The following ATP2A1 variants were observed in gnomAD, a reference collection of about 807,000 sequenced individuals.
ATP2A1 encodes the protein sarcoplasmic/endoplasmic reticulum calcium ATPase 1.
ATP2A1 carries 83 observed loss-of-function variants against 109.5 expected under a neutral mutation model. That is an observed-to-expected ratio of 0.76 (90% CI 0.63 to 0.91). The LOEUF (loss-of-function observed/expected upper bound fraction) is 0.91. ATP2A1 is among the 40% of genes least tolerant of loss of function. The probability of loss-of-function intolerance (pLI) is 0.00; values close to 1 mark genes in which losing one functional copy is unlikely to be tolerated. For synonymous variants in ATP2A1, 505 were observed against 537.6 expected, an observed-to-expected ratio of 0.94 and a Z score of 0.84; for missense variants, 1,101 against 1,341.0, an observed-to-expected ratio of 0.82 and a Z score of 2.80.
At chr16:28,879,057 A>T (rs773792059) in intron 1 of ATP2A1, 42 bp from the exon 2 acceptor site, 1 of 1,613,934 alleles carries the variant, frequency 6.2e-7, no homozygotes, top group South Asian at 1.1e-5. Flanking sequence ...CATGAGGCTG[A>T]ACCCCAAATG....
chr16:28,878,745 C>A lies in ATP2A1; in HGVS notation c.74C>A (p.Thr25Asn). The change falls in exon 1 of 23, where the codon ACC becomes AAC. Residue 25 changes from threonine to asparagine, a missense_variant. Physicochemically the swap from Thr to Asn is moderately conservative, Grantham distance 65. Transcript: ENST00000395503. ...YFGVSETTGL[T>N]PDQVKRNLEK... Reference sequence around the variant, plus strand: ...GGGGTGAGTGAGACCACGGGCCTCACCCCGGACCAAGTTAAGCGGAATCTG... The same window carrying A: ...GGGGTGAGTGAGACCACGGGCCTCAACCCGGACCAAGTTAAGCGGAATCTG... The A allele has an allele frequency of 6.2e-7, 1 of 1,613,616 alleles. No homozygotes were observed. Among genetic ancestry groups the A allele is most frequent in the East Asian group, 2.2e-5 (1 of 44,892 alleles).
intron 9 of ATP2A1, chr16:28,892,275 GT>G (rs1963792358): frequency 8.3e-6 from 2 of 242,108 alleles, no homozygotes; most frequent in African/African-American, 2.3e-5. Context: ...AAAAGCTGTC[GT>G]TTTTTTCTTG....
At chr16:28,888,003 G>C (rs149712636) in intron 8 of ATP2A1, among the ~76,000 whole-genome samples, 3 of 151,816 alleles carry the variant, frequency 2.0e-5, no homozygotes, top group Admixed American at 6.6e-5. Context: ...GGGTTTCACC[G>C]TGTTAGCCAG....
chr16:28,897,997 C>T lies in ATP2A1; in HGVS notation c.1420-3C>T. 6.2e-7 allele frequency: 1 copy of T among 1,614,176 alleles called. No homozygotes were observed. The highest frequency in any genetic ancestry group is 2.2e-5 in the East Asian group (1 of 44,884). On this transcript the variant is annotated splice_region_variant and splice_polypyrimidine_tract_variant and intron_variant, in intron 12 of 22. Transcript: ENST00000395503. Reference sequence around the variant, plus strand: ...TGGTCTCCCCTCCCTGTCTCCTCTCCAGGTGATCCGCCAGCTAATGAAGAA... The same window carrying T: ...TGGTCTCCCCTCCCTGTCTCCTCTCTAGGTGATCCGCCAGCTAATGAAGAA...
chr16:28,888,543 G>T (rs1963682750), intron 8 of ATP2A1, among the ~76,000 whole-genome samples: 1 of 151,932 alleles, frequency 6.6e-6, no homozygotes, highest in African/African-American at 2.4e-5. Context: ...TGGGTAACTG[G>T]TACCACAGGC....
intron 14 of ATP2A1, among the ~76,000 whole-genome samples, chr16:28,900,317 A>C (rs1964036329): frequency 6.6e-6 from 1 of 151,964 alleles, no homozygotes. Flanking sequence ...TCAAAAAAAA[A>C]AAGATACGAT....
Position 28,903,958 on chromosome 16 carries a change from C to T in ATP2A1, c.*37+217C>T, listed in dbSNP as rs1964169651. The T allele has an allele frequency of 1.4e-6, 1 of 714,962 alleles. No individual in the cohort carries two copies. Among genetic ancestry groups the T allele is most frequent in the Non-Finnish European group, 2.4e-6 (1 of 408,250 alleles). 44.3% of individuals were successfully genotyped at this position (714,962 alleles called of 1,614,324 possible). ...CCTGGGCAGTGCCAGCCTCTGGGCC[C>T]GTCTGCTGCGCTGCGTTGCGCTGGC... On this transcript the variant is annotated intron_variant, in intron 22 of 22. Coordinates refer to ENST00000395503, the MANE Select transcript of ATP2A1 (RefSeq NM_004320.6). This position sits in a 1 kb window ranked among gnomAD's most constrained non-coding sequence, Gnocchi z 5.6.
Position 28,887,557 on chromosome 16 carries a change from G to A in ATP2A1, c.763G>A (p.Glu255Lys), listed in dbSNP as rs774533285. The A allele has an allele frequency of 5.0e-6, 8 of 1,614,018 alleles. 1 individual carries two copies. The South Asian group carries it at 8.8e-5, about 18-fold the overall frequency. The change falls in exon 8 of 23, where the codon GAG (glutamate) becomes AAG (lysine). Residue 255 changes from glutamate to lysine, a missense_variant. Transcript: ENST00000395503. The stretch of plus-strand genomic sequence containing the variant: ...GACCCCCTTGCAGCAGAAGCTGGAT[G>A]AGTTTGGGGAGCAGCTCTCCAAGGT... ...DKTPLQQKLDEFGEQLSKVIS... is the reference protein window; with the variant it reads ...DKTPLQQKLDKFGEQLSKVIS...
intron 14 of ATP2A1, among the ~76,000 whole-genome samples, chr16:28,899,403 G>A (rs1203873500): frequency 2.0e-5 from 3 of 152,190 alleles, no homozygotes; most frequent in African/African-American, 7.2e-5. Flanking sequence ...CATTTTGGGA[G>A]GCCAAGGCAG....
At chr16:28,885,352 CT>C (rs1294637424) in intron 6 of ATP2A1, among the ~76,000 whole-genome samples, 6 of 148,178 alleles carry the variant, frequency 4.0e-5, no homozygotes, top group East Asian at 2.0e-4. Context: ...TTGACATTTT[CT>C]TTTTTTTTTG....
Position 28,887,739 on chromosome 16 carries a change from T to C in ATP2A1, c.928+17T>C, listed in dbSNP as rs765832606. Reference sequence around the variant, plus strand: ...TCCCCGAAGGTATGAAAGCCTTTCTTTTCTCCTCCCATTTGCTAATCCCAT... The same window carrying C: ...TCCCCGAAGGTATGAAAGCCTTTCTCTTCTCCTCCCATTTGCTAATCCCAT... On this transcript the variant is annotated intron_variant, in intron 8 of 22. Coordinates refer to ENST00000395503, the MANE Select transcript of ATP2A1 (RefSeq NM_004320.6). 1 of 1,613,128 alleles carries C rather than the reference T, an allele frequency of 6.2e-7. No individual in the cohort carries two copies. The highest frequency in any genetic ancestry group is 2.2e-5 in the East Asian group (1 of 44,882).
Position 28,898,169 on chromosome 16 carries a change from C to T in ATP2A1, c.1545+44C>T, listed in dbSNP as rs767472993. ...CCTCAGCCCCCTCTTCTTCCTACTC[C>T]TAGCCACCTGTCACTGCCCTGGAAG... On this transcript the variant is annotated intron_variant, in intron 13 of 22. Transcript: ENST00000395503. The surrounding 1 kb of genome is among the most constrained non-coding windows in gnomAD (Gnocchi z 4.0). The T allele has an allele frequency of 6.2e-7, 1 of 1,614,206 alleles. No individual in the cohort carries two copies. The highest frequency in any genetic ancestry group is 8.5e-7 in the Non-Finnish European group (1 of 1,180,030).
At position 28,886,789 on chromosome 16, in the gene ATP2A1, C is replaced by T. The variant is rs368231618; in HGVS notation, c.545-400C>T. On this transcript the variant is annotated intron_variant, in intron 6 of 22. Transcript: ENST00000395503. ...ATCACTTGAGGTCAGGAGTTCGAGA[C>T]CAGCCTGGCCAACATGGTGAGACCC... 2.8e-4 allele frequency among the ~76,000 whole-genome samples: 42 copies of T among 150,588 alleles called. 2 individuals are homozygous for T. The highest frequency in any genetic ancestry group is 8.0e-4 in the Admixed American group (12 of 15,052).
chr16:28,891,589 CAAAA>C lies in ATP2A1; in HGVS notation c.1096-2551_1096-2548del, dbSNP rs58605175. 1.5e-4 allele frequency among the ~76,000 whole-genome samples: 11 copies of C among 72,670 alleles called. 1 individual carries two copies. The Admixed American group carries it at 1.6e-3, about 11-fold the overall frequency. 47.7% of individuals were successfully genotyped at this position (72,670 alleles called of 152,430 possible). A position where few individuals can be genotyped will look rare whatever the true frequency, so the allele number is the denominator to read the frequency against. On this transcript the variant is annotated intron_variant, in intron 9 of 22. Coordinates refer to ENST00000395503, the MANE Select transcript of ATP2A1 (RefSeq NM_004320.6). ...TGGGCGACAGAGCGAGACTCCGTCT[CAAAA>C]AAAAAAAAAAAAAAGTAGCCAGATG...
chr16:28,902,546 G>C lies in ATP2A1; in HGVS notation c.2525-34G>C, dbSNP rs765338640. 2.5e-6 allele frequency: 4 copies of C among 1,608,788 alleles called. No homozygotes were observed. In the African/African-American group the frequency reaches 4.0e-5, roughly 16 times the overall value. On this transcript the variant is annotated intron_variant, in intron 17 of 22. Coordinates refer to ENST00000395503, the MANE Select transcript of ATP2A1 (RefSeq NM_004320.6). The surrounding 1 kb of genome is among the most constrained non-coding windows in gnomAD (Gnocchi z 4.8). ...ACCCTCGATGCCCCCTATCTCCCCA[G>C]CCCTGACCCCCGACTCCCCTCTCTC...
intron 9 of ATP2A1, among the ~76,000 whole-genome samples, chr16:28,891,834 A>T (rs1183550338): frequency 6.6e-6 from 1 of 152,022 alleles, no homozygotes; most frequent in African/African-American, 2.4e-5. Flanking sequence ...AGATTGCACC[A>T]CTGCACTCCA....
chr16:28,892,265 A>G, intron 9 of ATP2A1: 1 of 232,812 alleles, frequency 4.3e-6, no homozygotes, highest in South Asian at 4.1e-5. Context: ...TGAGAACAAG[A>G]AAAGCTGTCG....
Position 28,898,320 on chromosome 16 carries a change from A to T in ATP2A1, c.1633A>T (p.Ile545Phe). ...VPLTGPVKEK[I>F]MAVIKEWGTG... ...ACTGACGGGGCCGGTGAAGGAAAAG[A>T]TCATGGCGGTGATCAAGGAGTGGGG... The change falls in exon 14 of 23, where the codon ATC becomes TTC. Residue 545 changes from isoleucine to phenylalanine, a missense_variant. Transcript: ENST00000395503. The surrounding 1 kb of genome is among the most constrained non-coding windows in gnomAD (Gnocchi z 4.0). The T allele has an allele frequency of 6.2e-7, 1 of 1,614,164 alleles. No individual in the cohort carries two copies. The highest frequency in any genetic ancestry group is 8.5e-7 in the Non-Finnish European group (1 of 1,180,026).
At position 28,900,857 on chromosome 16, in the gene ATP2A1, C is replaced by G; in HGVS notation, c.2041C>G (p.Pro681Ala). Residue 681 changes from proline (P) to alanine (A), a missense_variant, in exon 15 of 23, where the codon CCC (proline) becomes GCC (alanine). Coordinates refer to ENST00000395503, the MANE Select transcript of ATP2A1 (RefSeq NM_004320.6). ...TGCCTGCTGCTTCGCCCGTGTGGAG[C>G]CCTCGCACAAGTCCAAGATTGTGGA... ...RRACCFARVE[P>A]SHKSKIVEYL... 6.2e-7 allele frequency: 1 copy of G among 1,614,162 alleles called. No homozygotes were observed. The highest frequency in any genetic ancestry group is 8.5e-7 in the Non-Finnish European group (1 of 1,180,048).
Sources: gnomAD v4.1 joint callset for allele counts (sites outside exome capture counted in the v4.1 genomes callset) on GRCh38, gnomAD v4.1.1 for gene constraint, Gnocchi (gnomAD v3.1) non-coding constraint, MANE v1.5 for transcripts, NCBI Gene and HGNC (gene_info 2026-07-23, HGNC 2026-07-21) for gene names.